Variants in PAK5 observed in about 807,000 individuals in gnomAD.
PAK5 encodes p21 (RAC1) activated kinase 5, also known as serine/threonine-protein kinase PAK 5.
A neutral mutation model predicts 65.9 loss-of-function variants in PAK5; 16 were observed. The observed-to-expected ratio is 0.24, with a 90% CI of 0.16 to 0.37. PAK5 has a LOEUF of 0.37. Among genes scored for constraint, PAK5 ranks in the 10% least tolerant of loss-of-function variants. The probability of loss-of-function intolerance (pLI) is 1.00; values close to 1 mark genes in which losing one functional copy is unlikely to be tolerated. For missense variants in PAK5, 785 were observed against 903.9 expected (o/e 0.87, Z 1.69); for synonymous variants, 371 against 354.9 (o/e 1.05, Z -0.51).
chr20:9,751,690 G>T (rs934583432), intron 1 of PAK5, among the ~76,000 whole-genome samples: 3 of 152,012 alleles, frequency 2.0e-5, no homozygotes, highest in African/African-American at 4.8e-5. Flanking sequence ...AGCATCAAAG[G>T]CATCTACCTT....
rs114024505 is a variant in PAK5, at chr20:9,613,975, A to T, written c.204+30150T>A. On this transcript the variant is annotated intron_variant, in intron 3 of 9. Coordinates refer to ENST00000353224, the MANE Select transcript of PAK5 (RefSeq NM_177990.4). ...CAATCACAAGGCATAAAAAAAGGTA[A>T]AGACCACAGTCTGAAAAGACAGAGC... is the stretch of plus-strand genomic sequence containing the variant. 2.3e-3 allele frequency among the ~76,000 whole-genome samples: 351 copies of T among 152,330 alleles called. 1 individual carries two copies. The highest frequency in any genetic ancestry group is 7.7e-3 in the African/African-American group (320 of 41,564).
At chr20:9,697,656 A>T (rs6077588) in intron 2 of PAK5, among the ~76,000 whole-genome samples, 59,984 of 151,946 alleles carry the variant, frequency 0.39, 12,007 homozygotes, top group South Asian at 0.53. Context: ...ACTTGTGGCT[A>T]CTTGAAGGCT....
chr20:9,738,818 T>TTGTG (rs35705495), intron 1 of PAK5, among the ~76,000 whole-genome samples: 180 of 150,222 alleles, frequency 1.2e-3, no homozygotes, highest in African/African-American at 3.6e-3. Context: ...TATGGGCAGT[T>TTGTG]TGTGTGTGTG....
At chr20:9,635,800 A>T (rs1394652074) in intron 3 of PAK5, among the ~76,000 whole-genome samples, 1 of 152,182 alleles carries the variant, frequency 6.6e-6, no homozygotes, top group Non-Finnish European at 1.5e-5. Context: ...CAAACAAAAA[A>T]CACTGATTTA....
intron 7 of PAK5, among the ~76,000 whole-genome samples, chr20:9,554,949 C>T (rs1451107763): frequency 6.6e-6 from 1 of 152,160 alleles, no homozygotes; most frequent in Non-Finnish European, 1.5e-5. Context: ...GATCTTCTGA[C>T]CAGCCTCCAT....
At chr20:9,730,297 G>A (rs2048322887) in intron 1 of PAK5, among the ~76,000 whole-genome samples, 1 of 152,026 alleles carries the variant, frequency 6.6e-6, no homozygotes, top group Non-Finnish European at 1.5e-5. Context: ...TCAAATTGAT[G>A]TTTTTATATT....
intron 1 of PAK5, among the ~76,000 whole-genome samples, chr20:9,805,856 CA>C (rs2049225551): frequency 6.6e-6 from 1 of 152,180 alleles, no homozygotes; most frequent in Non-Finnish European, 1.5e-5. Context: ...CAATCAAAAT[CA>C]GGTGCAGTTC....
chr20:9,725,816 T>C (rs2123535514), intron 1 of PAK5, among the ~76,000 whole-genome samples: 1 of 152,266 alleles, frequency 6.6e-6, no homozygotes, highest in South Asian at 2.1e-4. Flanking sequence ...TTAAATGCAC[T>C]GATATGTTAT....
Position 9,539,761 on chromosome 20 carries a change from T to C in PAK5, c.2005-144A>G. The C allele has an allele frequency of 7.5e-6, 5 of 662,894 alleles. No individual in the cohort carries two copies. The South Asian group carries it at 7.9e-5, about 11-fold the overall frequency. The allele number at this position is 662,894 out of a possible 1,614,324, so 41.1% of individuals were successfully genotyped here. On this transcript the variant is annotated intron_variant, in intron 9 of 9. Transcript: ENST00000353224. Reference sequence around the variant, plus strand: ...GAAAGATGTTGTGAAAGCAAAAGCATGTCTTGTCTTTGTTAACATTTCGTG... The same window carrying C: ...GAAAGATGTTGTGAAAGCAAAAGCACGTCTTGTCTTTGTTAACATTTCGTG...
At chr20:9,647,809 C>T (rs1200585996) in intron 2 of PAK5, among the ~76,000 whole-genome samples, 1 of 152,128 alleles carries the variant, frequency 6.6e-6, no homozygotes, top group East Asian at 1.9e-4. Flanking sequence ...AAGCAATATT[C>T]CTGGGAAGTT....
intron 2 of PAK5, among the ~76,000 whole-genome samples, chr20:9,657,620 G>A (rs1264573955): frequency 6.6e-6 from 1 of 152,090 alleles, no homozygotes; most frequent in East Asian, 1.9e-4. Flanking sequence ...TAAAATTAAA[G>A]ATGTACCTTA....
intron 1 of PAK5, among the ~76,000 whole-genome samples, chr20:9,831,652 C>T (rs1010861545): frequency 1.3e-5 from 2 of 152,098 alleles, no homozygotes; most frequent in South Asian, 2.1e-4. Flanking sequence ...AAATCAGAGG[C>T]GTGCGCCACC....
rs140156121 is a variant in PAK5, at chr20:9,705,265, A to C, written c.-12+6021T>G. 1.7e-4 allele frequency among the ~76,000 whole-genome samples: 26 copies of C among 152,318 alleles called. No homozygotes were observed. The East Asian group carries it at 4.6e-3, about 27-fold the overall frequency. On this transcript the variant is annotated intron_variant, in intron 2 of 9. Transcript: ENST00000353224. ...AAAAAAAAAATGGAAAAAAGATGAA[A>C]GATATGGAAGGCATTTCACAGAACA...
At chr20:9,722,349 G>A (rs2048225231) in intron 1 of PAK5, among the ~76,000 whole-genome samples, 1 of 152,070 alleles carries the variant, frequency 6.6e-6, no homozygotes. Flanking sequence ...GCCGGGCGTC[G>A]TGGCTGACGC....
Position 9,610,462 on chromosome 20 carries a change from G to A in PAK5, c.205-29532C>T, listed in dbSNP as rs544541570. Among the ~76,000 whole-genome samples, 31 of 152,278 alleles carry A rather than the reference G, an allele frequency of 2.0e-4. No homozygotes were observed. The South Asian group carries it at 2.7e-3, about 13-fold the overall frequency. ...TGGTTCCATCCCATGACTGTAGACC[G>A]ATTCTGCATGGTGCAGTGTGCTTGC... On this transcript the variant is annotated intron_variant, in intron 3 of 9. Coordinates refer to ENST00000353224, the MANE Select transcript of PAK5 (RefSeq NM_177990.4).
intron 2 of PAK5, among the ~76,000 whole-genome samples, chr20:9,644,993 T>C (rs1052550101): frequency 6.6e-6 from 1 of 152,148 alleles, no homozygotes; most frequent in African/African-American, 2.4e-5. Context: ...ATAAAATATA[T>C]GCATACATGA....
At chr20:9,745,664 G>C (rs1309283592) in intron 1 of PAK5, among the ~76,000 whole-genome samples, 2 of 152,076 alleles carry the variant, frequency 1.3e-5, no homozygotes, top group Non-Finnish European at 2.9e-5. Context: ...TGAAAGGCAG[G>C]TTCTAGCTTT....
chr20:9,591,015 C>T (rs577052395), intron 3 of PAK5, among the ~76,000 whole-genome samples: 15 of 152,170 alleles, frequency 9.9e-5, no homozygotes, highest in South Asian at 8.3e-4. Flanking sequence ...TGTGAACTGA[C>T]GAATAAAATG....
chr20:9,715,660 T>C (rs2048135723), intron 1 of PAK5, among the ~76,000 whole-genome samples: 1 of 151,772 alleles, frequency 6.6e-6, no homozygotes, highest in South Asian at 2.1e-4. Context: ...TGTCCAACAA[T>C]GATAGACAGA....
Sources: gnomAD v4.1 joint callset for allele counts (sites outside exome capture counted in the v4.1 genomes callset) on GRCh38, gnomAD v4.1.1 for gene constraint, MANE v1.5 for transcripts, NCBI Gene and HGNC (gene_info 2026-07-23, HGNC 2026-07-21) for gene names.